FSCN1: variants seen among roughly 807,000 people sequenced by gnomAD.
FSCN1 encodes the protein fascin.
FSCN1 carries 10 observed loss-of-function variants against 39.7 expected under a neutral mutation model. The ratio of observed to expected loss-of-function variants is 0.25; its 90% CI spans 0.16 to 0.43. The LOEUF (loss-of-function observed/expected upper bound fraction) is 0.43. Ranked by LOEUF, FSCN1 falls within the 20% of genes least tolerant of loss-of-function variation. The pLI, the probability that FSCN1 is intolerant of heterozygous loss-of-function variation, is 1.00. For synonymous variants in FSCN1, 322 were observed against 320.0 expected (o/e 1.01, Z -0.07); for missense variants, 525 against 723.8 (o/e 0.73, Z 3.15).
rs1785869092 is a variant in FSCN1 at position 5,603,351 on chromosome 7, C to G, written c.927C>G (p.Thr309=). ...DRDTKKCAFR[T]HTGKYWTLTA... ...ACACCAAAAAGTGTGCCTTCCGTAC[C>G]CACACGGGCAAGTACTGGACGCTGA... Residue 309 remains threonine, a synonymous_variant, in exon 2 of 5, where the codon ACC becomes ACG. Coordinates refer to ENST00000382361, the MANE Select transcript of FSCN1 (RefSeq NM_003088.4). This position sits in a 1 kb window ranked among gnomAD's most constrained non-coding sequence, Gnocchi z 8.5. The G allele has an allele frequency of 6.2e-7, 1 of 1,613,604 alleles. No individual in the cohort carries two copies. The highest frequency in any genetic ancestry group is 1.3e-5 in the African/African-American group (1 of 74,940).
intron 1 of FSCN1, among the ~76,000 whole-genome samples, chr7:5,602,207 C>CTT (rs759071204): frequency 2.3e-5 from 3 of 132,176 alleles, no homozygotes; most frequent in East Asian, 2.2e-4. Flanking sequence ...TGCCTGGCCC[C>CTT]TTTTTTTTTT....
intron 1 of FSCN1, among the ~76,000 whole-genome samples, chr7:5,597,876 C>T (rs1262864751): frequency 6.6e-6 from 1 of 152,040 alleles, no homozygotes. Flanking sequence ...GCACAGGAGA[C>T]TCTTAATCTC....
At chr7:5,604,277 A>G (rs1453677460) in intron 4 of FSCN1, among the ~76,000 whole-genome samples, 8 of 135,234 alleles carry the variant, frequency 5.9e-5, no homozygotes, top group Non-Finnish European at 1.1e-4. Flanking sequence ...TGGAGGGGAG[A>G]GCAGGGAGGG....
In FSCN1 at chr7:5,603,174, T is replaced by TG; in HGVS notation, c.833-83_833-82insG. 2 of 1,505,228 alleles carry TG rather than the reference T, an allele frequency of 1.3e-6. No homozygotes were observed. Among genetic ancestry groups the TG allele is most frequent in the Admixed American group, 3.5e-5 (2 of 57,398 alleles). 93.2% of individuals were successfully genotyped at this position (1,505,228 alleles called of 1,614,324 possible). Reference sequence around the variant, plus strand: ...ACCCCGTGGTGTTACCTTGCGTGTGTAGTTCTGTGAGCTCAGGGCTATGGT... The same window carrying TG: ...ACCCCGTGGTGTTACCTTGCGTGTGTGAGTTCTGTGAGCTCAGGGCTATGGT... On this transcript the variant is annotated intron_variant, in intron 1 of 4. Coordinates refer to ENST00000382361, the MANE Select transcript of FSCN1 (RefSeq NM_003088.4). The surrounding 1 kb of genome is among the most constrained non-coding windows in gnomAD (Gnocchi z 8.5).
At chr7:5,601,854 G>A (rs1422664476) in intron 1 of FSCN1, among the ~76,000 whole-genome samples, 2 of 151,360 alleles carry the variant, frequency 1.3e-5, no homozygotes, top group Non-Finnish European at 2.9e-5. Flanking sequence ...AGAAAGAGAT[G>A]TATTTGCCAA....
rs1785864021 is a variant in FSCN1 at position 5,603,140 on chromosome 7, GC to G, written c.833-114del. The G allele has an allele frequency of 8.3e-7, 1 of 1,207,662 alleles. No individual in the cohort carries two copies. The allele number at this position is 1,207,662 out of a possible 1,614,324, so 74.8% of individuals were successfully genotyped here. A position where few individuals can be genotyped will look rare whatever the true frequency, so the allele number is the denominator to read the frequency against. On this transcript the variant is annotated intron_variant, in intron 1 of 4. Coordinates refer to ENST00000382361, the MANE Select transcript of FSCN1 (RefSeq NM_003088.4). This position sits in a 1 kb window ranked among gnomAD's most constrained non-coding sequence, Gnocchi z 8.5. ...TGTGTGCCACTGTGGGGACTCGGCC[GC>G]CCACCCCACCCCGTGGTGTTACCTT...
chr7:5,605,389 G>C lies in FSCN1; in HGVS notation c.1397G>C (p.Gly466Ala), dbSNP rs1785915359. ...CDYNKVAIKV[G>A]GRYLKGDHAG... is the part of the protein sequence containing the mutation. Reference sequence around the variant, plus strand: ...TATAACAAGGTGGCCATCAAGGTGGGCGGGCGCTACCTGAAGGGCGACCAC... The same window carrying C: ...TATAACAAGGTGGCCATCAAGGTGGCCGGGCGCTACCTGAAGGGCGACCAC... The change falls in exon 5 of 5, where the codon GGC becomes GCC. Residue 466 changes from glycine to alanine, a missense_variant. Gly to Ala is a moderately conservative substitution (Grantham distance 60). Around this residue, in one of 3 missense-constraint regions of FSCN1, gnomAD observed 275 missense variants for 351.9 expected, o/e 0.78. Coordinates refer to ENST00000382361, the MANE Select transcript of FSCN1 (RefSeq NM_003088.4). The surrounding 1 kb of genome is among the most constrained non-coding windows in gnomAD (Gnocchi z 6.9). 1.2e-6 allele frequency: 2 copies of C among 1,613,566 alleles called. No homozygotes were observed. Among genetic ancestry groups the C allele is most frequent in the South Asian group, 2.2e-5 (2 of 91,078 alleles).
At position 5,598,341 on chromosome 7, in the gene FSCN1, G is replaced by A. The variant is rs1785767519; in HGVS notation, c.832+4573G>A. ...TCGTGGTACAGATGGCGGCAGTTGT[G>A]TGGCCCTGGGCCCAGGAATGGCTGG... On this transcript the variant is annotated intron_variant, in intron 1 of 4. Coordinates refer to ENST00000382361, the MANE Select transcript of FSCN1 (RefSeq NM_003088.4). Among the ~76,000 whole-genome samples the A allele has an allele frequency of 2.6e-5, 4 of 152,258 alleles. No individual in the cohort carries two copies. In the South Asian group the frequency reaches 8.3e-4, roughly 31 times the overall value.
chr7:5,603,256 G>T lies in FSCN1; in HGVS notation c.833-1G>T, dbSNP rs1785867061. ...ACCAGCCCAAGGCCTCCTCTCTGCAGGTATGGACCTGTCTGCCAATCAGGA... is the reference window on the plus strand; with the variant it reads ...ACCAGCCCAAGGCCTCCTCTCTGCATGTATGGACCTGTCTGCCAATCAGGA... On this transcript the variant is annotated splice_acceptor_variant, in intron 1 of 4. Coordinates refer to ENST00000382361, the MANE Select transcript of FSCN1 (RefSeq NM_003088.4). LOFTEE classifies it high-confidence loss of function. The surrounding 1 kb of genome is among the most constrained non-coding windows in gnomAD (Gnocchi z 8.5). 6.2e-7 allele frequency: 1 copy of T among 1,611,808 alleles called. No homozygotes were observed. Among genetic ancestry groups the T allele is most frequent in the Non-Finnish European group, 8.5e-7 (1 of 1,179,900 alleles).
rs979525649 is a variant in FSCN1 at position 5,603,786 on chromosome 7, C to T, written c.1112-77C>T. The stretch of plus-strand genomic sequence containing the variant: ...ACTGCTGTGTGACCCCAGCTCCTGG[C>T]CCTCCCTCTCTGGTCACCCCAGCCT... On this transcript the variant is annotated intron_variant, in intron 3 of 4. Coordinates refer to ENST00000382361, the MANE Select transcript of FSCN1 (RefSeq NM_003088.4). The surrounding 1 kb of genome is among the most constrained non-coding windows in gnomAD (Gnocchi z 8.5). 2 of 1,515,470 alleles carry T rather than the reference C, an allele frequency of 1.3e-6. No individual in the cohort carries two copies. Among genetic ancestry groups the T allele is most frequent in the Non-Finnish European group, 1.8e-6 (2 of 1,105,286 alleles). The allele number at this position is 1,515,470 out of a possible 1,614,324, so 93.9% of individuals were successfully genotyped here.
At chr7:5,597,801 G>A (rs575499232) in intron 1 of FSCN1, among the ~76,000 whole-genome samples, 1 of 151,780 alleles carries the variant, frequency 6.6e-6, no homozygotes, top group Non-Finnish European at 1.5e-5. Flanking sequence ...GAAGGCCACT[G>A]TGAGGGGAGG....
chr7:5,605,105 C>T lies in FSCN1; in HGVS notation c.1280-167C>T, dbSNP rs1381367225. 6.6e-6 allele frequency among the ~76,000 whole-genome samples: 1 copy of T among 152,204 alleles called. No individual in the cohort carries two copies. Among genetic ancestry groups the T allele is most frequent in the Non-Finnish European group, 1.5e-5 (1 of 68,036 alleles). ...GTTCTAGGACCCTTGTTCATGTGTCCATCATGGACAGGAGGACGTGCGGGC... is the reference window on the plus strand; with the variant it reads ...GTTCTAGGACCCTTGTTCATGTGTCTATCATGGACAGGAGGACGTGCGGGC... On this transcript the variant is annotated intron_variant, in intron 4 of 4. Transcript: ENST00000382361. The surrounding 1 kb of genome is among the most constrained non-coding windows in gnomAD (Gnocchi z 6.9).
In FSCN1 at chr7:5,599,212, C is replaced by A. The variant is rs146973710; in HGVS notation, c.833-4045C>A. 1.3e-5 allele frequency among the ~76,000 whole-genome samples: 2 copies of A among 151,992 alleles called. No homozygotes were observed. ...CAGCCCACCCAGTGCGGTGGATGCT[C>A]GTCGGAGGGCAGAGGGTGGGCTACC... On this transcript the variant is annotated intron_variant, in intron 1 of 4. Coordinates refer to ENST00000382361, the MANE Select transcript of FSCN1 (RefSeq NM_003088.4). The surrounding 1 kb of genome is among the most constrained non-coding windows in gnomAD (Gnocchi z 5.6).
intron 1 of FSCN1, among the ~76,000 whole-genome samples, chr7:5,600,666 T>C (rs1208780060): frequency 4.0e-5 from 6 of 150,790 alleles, no homozygotes; most frequent in Non-Finnish European, 7.4e-5. Flanking sequence ...TAATTTTTTT[T>C]TTTTTGAGAC....
In FSCN1 at chr7:5,593,487, A is replaced by G. The variant is rs1785670622; in HGVS notation, c.551A>G (p.Gln184Arg). The G allele has an allele frequency of 6.2e-7, 1 of 1,610,576 alleles. No individual in the cohort carries two copies. The highest frequency in any genetic ancestry group is 1.3e-5 in the African/African-American group (1 of 74,868). ...CTCATCACCCTCGCCTTCCAGGACC[A>G]GCGCTACAGCGTGCAGACCGCCGAC... ...DSLITLAFQD[Q>R]RYSVQTADHR... Residue 184 changes from glutamine (Q) to arginine (R), a missense_variant, in exon 1 of 5, where the codon CAG becomes CGG. This residue lies in a region of FSCN1 where 246 missense variants were observed against 350.6 expected (regional missense o/e 0.70). Transcript: ENST00000382361.
At chr7:5,596,973 C>T (rs1366100181) in intron 1 of FSCN1, among the ~76,000 whole-genome samples, 3 of 152,130 alleles carry the variant, frequency 2.0e-5, no homozygotes, top group Admixed American at 6.5e-5. Flanking sequence ...ATCTGGGGAC[C>T]GTTAAGGCCT....
rs532890412 is a variant in FSCN1, at chr7:5,593,191, C to A, written c.255C>A (p.Pro85=). 6.2e-7 allele frequency: 1 copy of A among 1,602,486 alleles called. No homozygotes were observed. The highest frequency in any genetic ancestry group is 1.1e-5 in the South Asian group (1 of 89,878). Residue 85 remains proline (P), a synonymous_variant, in exon 1 of 5, where the codon CCC becomes CCA. Transcript: ENST00000382361. ...DGNVTCEREV[P]GPDCRFLIVA... ...ACGTGACCTGCGAGCGCGAGGTGCCCGGTCCCGACTGCCGTTTCCTCATCG... is the reference window on the plus strand; with the variant it reads ...ACGTGACCTGCGAGCGCGAGGTGCCAGGTCCCGACTGCCGTTTCCTCATCG...
At chr7:5,595,389 C>T (rs1272247207) in intron 1 of FSCN1, among the ~76,000 whole-genome samples, 1 of 152,158 alleles carries the variant, frequency 6.6e-6, no homozygotes, top group Non-Finnish European at 1.5e-5. Context: ...TCCTGTTTCC[C>T]ACAGCGCATG....
At chr7:5,594,054 C>T (rs1418388747) in intron 1 of FSCN1, 4 of 414,572 alleles carry the variant, frequency 9.6e-6, no homozygotes, top group Non-Finnish European at 1.3e-5. Context: ...AACCCCCCCC[C>T]CCGCCCAATC....
Sources: allele counts gnomAD v4.1 joint callset (sites outside exome capture counted in the v4.1 genomes callset), GRCh38; gene constraint gnomAD v4.1.1; regional missense constraint gnomAD v4.1.1; non-coding constraint Gnocchi (gnomAD v3.1); transcripts MANE v1.5; gene names NCBI Gene and HGNC (gene_info 2026-07-23, HGNC 2026-07-21).